Variants in UNC5D observed in about 807,000 individuals in gnomAD.
UNC5D encodes netrin receptor UNC5D.
Under a neutral mutation model 105.4 loss-of-function variants are expected in UNC5D, and 39 were observed. The ratio of observed to expected loss-of-function variants is 0.37; its 90% confidence interval spans 0.29 to 0.48. The LOEUF (loss-of-function observed/expected upper bound fraction) is 0.48. Among genes scored for constraint, UNC5D ranks in the 20% least tolerant of loss-of-function variants. UNC5D has a pLI of 0.98. For synonymous variants in UNC5D, 452 were observed against 450.4 expected (o/e 1.00, Z -0.04); for missense variants, 991 against 1,202.4 (o/e 0.82, Z 2.60).
intron 1 of UNC5D, among the ~76,000 whole-genome samples, chr8:35,379,596 A>G (rs1802900802): frequency 1.3e-5 from 2 of 152,112 alleles, no homozygotes; most frequent in Non-Finnish European, 2.9e-5. Flanking sequence ...GTCCTGCACT[A>G]AATTCCACCG....
At chr8:35,552,254 A>G (rs1409695729) in intron 2 of UNC5D, among the ~76,000 whole-genome samples, 1 of 152,230 alleles carries the variant, frequency 6.6e-6, no homozygotes, top group Non-Finnish European at 1.5e-5. Flanking sequence ...TAAAATGTTA[A>G]GATTTAAGAG....
At chr8:35,741,842 T>C (rs1055527186) in intron 11 of UNC5D, among the ~76,000 whole-genome samples, 2 of 152,100 alleles carry the variant, frequency 1.3e-5, no homozygotes, top group Non-Finnish European at 2.9e-5. Context: ...ATGTAGAAAA[T>C]GCAGGTTCCT....
At chr8:35,628,981 G>C (rs1821863245) in intron 4 of UNC5D, among the ~76,000 whole-genome samples, 1 of 152,020 alleles carries the variant, frequency 6.6e-6, no homozygotes, top group South Asian at 2.1e-4. Context: ...ATTCCTCTCT[G>C]GTGCTCTTTC....
At chr8:35,565,951 G>T (rs1025173159) in intron 2 of UNC5D, among the ~76,000 whole-genome samples, 13 of 152,028 alleles carry the variant, frequency 8.6e-5, no homozygotes, top group African/African-American at 3.1e-4. Flanking sequence ...CCTGGCCTTT[G>T]TCTGCCCATT....
chr8:35,754,476 C>A (rs1185780265), intron 13 of UNC5D, among the ~76,000 whole-genome samples: 2 of 152,134 alleles, frequency 1.3e-5, no homozygotes, highest in Non-Finnish European at 2.9e-5. Flanking sequence ...GGGTTAAGTG[C>A]GGGGTTGCAT....
intron 1 of UNC5D, among the ~76,000 whole-genome samples, chr8:35,468,288 A>T (rs1809456644): frequency 6.6e-6 from 1 of 152,192 alleles, no homozygotes; most frequent in African/African-American, 2.4e-5. Context: ...GACAGAGATC[A>T]CTAGCTCTCT....
intron 1 of UNC5D, among the ~76,000 whole-genome samples, chr8:35,241,242 A>G (rs1320067975): frequency 6.6e-6 from 1 of 152,260 alleles, no homozygotes; most frequent in African/African-American, 2.4e-5. Flanking sequence ...TGTTTGTGCC[A>G]CATTGCATCG....
intron 11 of UNC5D, among the ~76,000 whole-genome samples, chr8:35,744,409 A>T (rs1286090984): frequency 1.3e-5 from 2 of 152,230 alleles, no homozygotes; most frequent in African/African-American, 2.4e-5. Flanking sequence ...ACTTTCACCC[A>T]ATAGGTTAAC....
At chr8:35,433,146 G>T (rs941215903) in intron 1 of UNC5D, among the ~76,000 whole-genome samples, 1 of 152,168 alleles carries the variant, frequency 6.6e-6, no homozygotes, top group Non-Finnish European at 1.5e-5. Flanking sequence ...GAAGACTTGT[G>T]TGATGAATTT....
At chr8:35,489,272 T>G (rs1811040344) in intron 1 of UNC5D, among the ~76,000 whole-genome samples, 2 of 152,052 alleles carry the variant, frequency 1.3e-5, no homozygotes, top group Admixed American at 1.3e-4. Flanking sequence ...CCTCCCAAAG[T>G]GCTAGGATTA....
chr8:35,558,372 T>A (rs1231343606), intron 2 of UNC5D, among the ~76,000 whole-genome samples: 1 of 151,998 alleles, frequency 6.6e-6, no homozygotes, highest in Non-Finnish European at 1.5e-5. Context: ...AGTAACACAA[T>A]GTTAAGATAA....
intron 8 of UNC5D, among the ~76,000 whole-genome samples, chr8:35,719,894 CCTCTA>C (rs1178146882): frequency 6.6e-6 from 1 of 152,028 alleles, no homozygotes. Flanking sequence ...CCCTGAAGTT[CCTCTA>C]CTCATTTTTA....
rs563092964 is a variant in UNC5D, at chr8:35,792,634, G to C, written c.*2071G>C. ...TAGATGGTCAACCAGTCACTAGTTG[G>C]TTGGCATGAGGTGGTGTGCAGAGGA... On this transcript the variant is annotated 3_prime_UTR_variant, in exon 17 of 17. Transcript: ENST00000404895. 6 of 158,690 alleles carry C rather than the reference G, an allele frequency of 3.8e-5. No individual in the cohort carries two copies. In the South Asian group the frequency reaches 1.1e-3, roughly 29 times the overall value. 9.8% of individuals were successfully genotyped at this position (158,690 alleles called of 1,614,324 possible).
At chr8:35,736,368 C>T (rs1829469225) in intron 11 of UNC5D, among the ~76,000 whole-genome samples, 1 of 152,112 alleles carries the variant, frequency 6.6e-6, no homozygotes, top group South Asian at 2.1e-4. Flanking sequence ...GAGACCCTGT[C>T]TCAAACAACA....
At chr8:35,669,197 C>T (rs1472014896) in intron 4 of UNC5D, among the ~76,000 whole-genome samples, 1 of 152,120 alleles carries the variant, frequency 6.6e-6, no homozygotes, top group African/African-American at 2.4e-5. Context: ...GCCTTATGTG[C>T]ATTTCAAACT....
chr8:35,681,580 TAAAC>T (rs1051360224), intron 4 of UNC5D, among the ~76,000 whole-genome samples: 6 of 152,234 alleles, frequency 3.9e-5, no homozygotes, highest in African/African-American at 1.4e-4. Flanking sequence ...CCTACTTTGT[TAAAC>T]AGAGCAGCGC....
intron 4 of UNC5D, among the ~76,000 whole-genome samples, chr8:35,596,717 G>A (rs1220084327): frequency 6.6e-6 from 1 of 152,150 alleles, no homozygotes; most frequent in Non-Finnish European, 1.5e-5. Context: ...AGCAGGGAGG[G>A]GGCTTCCAGG....
chr8:35,724,358 C>A, intron 9 of UNC5D: 1 of 1,507,008 alleles, frequency 6.6e-7, no homozygotes, highest in Non-Finnish European at 8.9e-7. Context: ...GTGGTTTTCA[C>A]CTCCACTGTC....
intron 8 of UNC5D, among the ~76,000 whole-genome samples, chr8:35,719,846 A>T (rs1828479818): frequency 6.6e-6 from 1 of 152,124 alleles, no homozygotes; most frequent in Non-Finnish European, 1.5e-5. Flanking sequence ...TTAGGGAGCC[A>T]GTGCTCGCCA....
Sources: gnomAD v4.1 joint callset for allele counts (sites outside exome capture counted in the v4.1 genomes callset) on GRCh38, gnomAD v4.1.1 for gene constraint, MANE v1.5 for transcripts, NCBI Gene and HGNC (gene_info 2026-07-23, HGNC 2026-07-21) for gene names.